ROR1: variants seen among roughly 807,000 people sequenced by gnomAD.
ROR1 encodes the protein inactive tyrosine-protein kinase transmembrane receptor ROR1.
ROR1 carries 19 observed loss-of-function variants against 78.8 expected under a neutral mutation model. That is an observed-to-expected ratio of 0.24 (90% CI 0.17 to 0.35). The LOEUF (loss-of-function observed/expected upper bound fraction) is 0.35, where lower values mean the gene tolerates loss of function less well. Among genes scored for constraint, ROR1 ranks in the 10% least tolerant of loss-of-function variants. The pLI, the probability that ROR1 is intolerant of heterozygous loss-of-function variation, is 1.00. For synonymous variants in ROR1, 386 were observed against 433.6 expected (o/e 0.89, Z 1.36); for missense variants, 917 against 1,177.8 (o/e 0.78, Z 3.24).
chr1:63,851,456 T>C (rs1429539817), intron 1 of ROR1, among the ~76,000 whole-genome samples: 1 of 152,172 alleles, frequency 6.6e-6, no homozygotes, highest in African/African-American at 2.4e-5. Context: ...AGGAACTTAA[T>C]GCAGGAGCCA....
At chr1:63,786,256 ATTTTTTTTTTTTTT>A (rs34933492) in intron 1 of ROR1, among the ~76,000 whole-genome samples, 1,037 of 67,540 alleles carry the variant, frequency 0.015, 15 homozygotes, top group African/African-American at 0.044. Context: ...CTACAACTTG[ATTTTTTTTTTTTTT>A]TTTTTTTTTT....
chr1:63,884,685 T>C (rs768801497), intron 1 of ROR1, among the ~76,000 whole-genome samples: 6 of 152,182 alleles, frequency 3.9e-5, no homozygotes, highest in Non-Finnish European at 8.8e-5. Context: ...ATGAATAAAG[T>C]CTGTCTCCAC....
intron 1 of ROR1, among the ~76,000 whole-genome samples, chr1:63,813,836 A>T (rs1644874385): frequency 6.6e-6 from 1 of 152,246 alleles, no homozygotes; most frequent in Admixed American, 6.5e-5. Context: ...ATATAGTCAC[A>T]TAAGGTCATG....
intron 1 of ROR1, among the ~76,000 whole-genome samples, chr1:63,926,550 G>T (rs553599324): frequency 1.5e-4 from 22 of 142,526 alleles, no homozygotes; most frequent in African/African-American, 1.0e-4. Context: ...GTGAAGAAAG[G>T]CATTGGTAGC....
rs551898148 is a variant in ROR1, at chr1:63,918,369, A to G, written c.92-90936A>G. ...TACCACTATGATCTCCACCTTATAG[A>G]TGAAGTACCTGAGACTTGGAAAGTG... On this transcript the variant is annotated intron_variant, in intron 1 of 8. Coordinates refer to ENST00000371079, the MANE Select transcript of ROR1 (RefSeq NM_005012.4). 9.8e-5 allele frequency among the ~76,000 whole-genome samples: 15 copies of G among 152,334 alleles called. 1 individual carries two copies. In the South Asian group the frequency reaches 3.1e-3, roughly 32 times the overall value.
In ROR1 at chr1:64,142,637, C is replaced by T. The variant is rs1278110660; in HGVS notation, c.1161C>T (p.Asp387=). The stretch of plus-strand genomic sequence containing the variant: ...AAAACTTTAAGTCTGATCTGTGTGA[C>T]ATCCCAGCGTGCGGTAAATAGAAGT... ...LDENFKSDLC[D]IPACDSKDSK... The change falls in exon 7 of 9, where the codon GAC becomes GAT. Residue 387 remains aspartate (D), a synonymous_variant. Transcript: ENST00000371079. The T allele has an allele frequency of 3.1e-6, 5 of 1,614,008 alleles. No individual in the cohort carries two copies. Among genetic ancestry groups the T allele is most frequent in the East Asian group, 2.2e-5 (1 of 44,872 alleles).
chr1:64,100,040 G>A (rs923057151), intron 4 of ROR1, among the ~76,000 whole-genome samples: 1 of 152,204 alleles, frequency 6.6e-6, no homozygotes, highest in Non-Finnish European at 1.5e-5. Flanking sequence ...GGGCAACAGA[G>A]TGAGACTCTG....
At chr1:64,013,594 G>A (rs72914937) in intron 2 of ROR1, among the ~76,000 whole-genome samples, 6,839 of 151,842 alleles carry the variant, frequency 0.045, 538 homozygotes, top group African/African-American at 0.16. Context: ...CCATTTCCCC[G>A]CAGTGCCCCT....
intron 4 of ROR1, among the ~76,000 whole-genome samples, chr1:64,060,867 C>G (rs1646911493): frequency 6.6e-6 from 1 of 152,132 alleles, no homozygotes. Context: ...TCTTATGTAC[C>G]AATCCACCCC....
At chr1:64,052,745 A>G (rs1646843304) in intron 4 of ROR1, among the ~76,000 whole-genome samples, 1 of 152,208 alleles carries the variant, frequency 6.6e-6, no homozygotes, top group Admixed American at 6.5e-5. Flanking sequence ...GTTTGCTTGC[A>G]GGGAGTTACA....
intron 2 of ROR1, among the ~76,000 whole-genome samples, chr1:64,020,693 C>T (rs905999616): frequency 1.3e-5 from 2 of 152,184 alleles, no homozygotes; most frequent in Non-Finnish European, 2.9e-5. Flanking sequence ...TACAGCTCCA[C>T]TTTAGCCCTC....
chr1:63,858,506 T>C (rs1645161748), intron 1 of ROR1, among the ~76,000 whole-genome samples: 1 of 152,242 alleles, frequency 6.6e-6, no homozygotes, highest in South Asian at 2.1e-4. Context: ...AGTGATTCTG[T>C]GGCTAAACCA....
intron 1 of ROR1, among the ~76,000 whole-genome samples, chr1:63,791,639 G>T (rs79683436): frequency 0.015 from 2,229 of 152,174 alleles, 48 homozygotes; most frequent in African/African-American, 0.051. Flanking sequence ...TGGGCATGGT[G>T]GATGGGCATG....
intron 4 of ROR1, among the ~76,000 whole-genome samples, chr1:64,053,014 T>C (rs955262875): frequency 2.0e-5 from 3 of 152,088 alleles, no homozygotes; most frequent in Admixed American, 6.6e-5. Context: ...GCCAACCTTC[T>C]CTCCAAGGGG....
chr1:64,090,886 A>G (rs1647190404), intron 4 of ROR1, among the ~76,000 whole-genome samples: 1 of 152,124 alleles, frequency 6.6e-6, no homozygotes. Flanking sequence ...AGAGGCCCTA[A>G]CATTCCACTT....
intron 2 of ROR1, among the ~76,000 whole-genome samples, chr1:64,033,864 C>T (rs1210168555): frequency 6.6e-6 from 1 of 152,184 alleles, no homozygotes; most frequent in Non-Finnish European, 1.5e-5. Flanking sequence ...ACAGGTAATA[C>T]TAGAGCTTGG....
At chr1:63,919,899 G>C (rs527996861) in intron 1 of ROR1, among the ~76,000 whole-genome samples, 2 of 152,264 alleles carry the variant, frequency 1.3e-5, no homozygotes, top group South Asian at 4.1e-4. Context: ...CAGAAAATAA[G>C]GTGGTTCAAC....
intron 1 of ROR1, among the ~76,000 whole-genome samples, chr1:63,831,401 C>G (rs55857386): frequency 0.041 from 6,258 of 152,318 alleles, 327 homozygotes; most frequent in African/African-American, 0.11. Context: ...GCAAAGGCTT[C>G]TGAAGCTCAA....
chr1:63,961,772 G>A (rs1233646180), intron 1 of ROR1, among the ~76,000 whole-genome samples: 4 of 152,078 alleles, frequency 2.6e-5, no homozygotes, highest in Non-Finnish European at 5.9e-5. Flanking sequence ...TCTAGTTTTC[G>A]ACAGCACAGT....
Sources: gnomAD v4.1 joint callset for allele counts (sites outside exome capture counted in the v4.1 genomes callset) on GRCh38, gnomAD v4.1.1 for gene constraint, MANE v1.5 for transcripts, NCBI Gene and HGNC (gene_info 2026-07-23, HGNC 2026-07-21) for gene names.